The following GAREM1 variants were observed in gnomAD, a reference collection of about 807,000 sequenced individuals.
GAREM1 encodes the protein GRB2-associated and regulator of MAPK protein 1.
Under a neutral mutation model 71.3 loss-of-function variants are expected in GAREM1, and 26 were observed. The ratio of observed to expected loss-of-function variants is 0.36; its 90% CI spans 0.27 to 0.51. The LOEUF is 0.51. GAREM1 is among the 20% of genes least tolerant of loss of function. GAREM1 has a pLI of 0.95. For missense variants in GAREM1, 1,026 were observed against 1,103.1 expected, an observed-to-expected ratio of 0.93 and a Z score of 0.99; for synonymous variants, 440 against 433.2, an observed-to-expected ratio of 1.02 and a Z score of -0.20.
chr18:32,348,154 G>A (rs1481216640), intron 2 of GAREM1, among the ~76,000 whole-genome samples: 1 of 152,102 alleles, frequency 6.6e-6, no homozygotes, highest in Non-Finnish European at 1.5e-5. Flanking sequence ...AATGCTAGGA[G>A]GATTAAACAT....
chr18:32,268,139 T>A lies in GAREM1; in HGVS notation c.2363A>T (p.His788Leu), dbSNP rs529958611. Residue 788 changes from histidine to leucine, a missense_variant, in exon 6 of 6, where the codon CAT (histidine) becomes CTT (leucine). His to Leu is a moderately conservative substitution (Grantham distance 99). Around this residue, in one of 3 missense-constraint regions of GAREM1, gnomAD observed 636 missense variants for 631.2 expected, o/e 1.01. Transcript: ENST00000269209. Reference sequence around the variant, plus strand: ...ACAGGATCTGGGGGCCAGCTGGAGATGGAGCGGAGATGAGAAAGGGTAGGA... The same window carrying A: ...ACAGGATCTGGGGGCCAGCTGGAGAAGGAGCGGAGATGAGAAAGGGTAGGA... The part of the protein sequence containing the change: ...SASYPFSSPL[H>L]LQLAPRSCGD... 1.0e-4 allele frequency: 165 copies of A among 1,614,016 alleles called. 3 individuals carry two copies. In the South Asian group the frequency reaches 1.5e-3, roughly 15 times the overall value.
At chr18:32,296,143 A>G (rs1379438014) in intron 3 of GAREM1, among the ~76,000 whole-genome samples, 1 of 151,886 alleles carries the variant, frequency 6.6e-6, no homozygotes, top group African/African-American at 2.4e-5. Context: ...TTGTATTTTT[A>G]GTAGAGAAGG....
At chr18:32,290,534 A>G (rs971747364) in intron 3 of GAREM1, among the ~76,000 whole-genome samples, 5 of 151,918 alleles carry the variant, frequency 3.3e-5, no homozygotes, top group African/African-American at 1.2e-4. Flanking sequence ...AGTCCCAGGT[A>G]CTTTGGAGGC....
At chr18:32,452,900 CA>C (rs1278650291) in intron 1 of GAREM1, among the ~76,000 whole-genome samples, 1 of 150,632 alleles carries the variant, frequency 6.6e-6, no homozygotes, top group Non-Finnish European at 1.5e-5. Context: ...TATAGGGTAG[CA>C]AAACTTATAT....
chr18:32,390,587 T>C (rs1028302374), intron 2 of GAREM1, among the ~76,000 whole-genome samples: 3 of 152,220 alleles, frequency 2.0e-5, no homozygotes, highest in Non-Finnish European at 4.4e-5. Flanking sequence ...TTTTTAAAAA[T>C]GTATCATTTG....
chr18:32,382,236 A>G (rs933024820), intron 2 of GAREM1, among the ~76,000 whole-genome samples: 2 of 152,182 alleles, frequency 1.3e-5, no homozygotes, highest in Non-Finnish European at 2.9e-5. Context: ...CAGCAAGACA[A>G]ACAGTCATGG....
chr18:32,421,976 C>A (rs758648913), intron 1 of GAREM1, among the ~76,000 whole-genome samples: 1 of 152,036 alleles, frequency 6.6e-6, no homozygotes, highest in Non-Finnish European at 1.5e-5. Flanking sequence ...CTAAAATTAT[C>A]CTTTCTCCTA....
chr18:32,372,957 C>G (rs2047998339), intron 2 of GAREM1, among the ~76,000 whole-genome samples: 1 of 152,146 alleles, frequency 6.6e-6, no homozygotes, highest in African/African-American at 2.4e-5. Flanking sequence ...TCCCGCCTCA[C>G]CCACATTCCT....
At chr18:32,428,940 T>C (rs1026203796) in intron 1 of GAREM1, among the ~76,000 whole-genome samples, 1 of 152,066 alleles carries the variant, frequency 6.6e-6, no homozygotes, top group Non-Finnish European at 1.5e-5. Context: ...CAAGTTTTTT[T>C]TTTTGTATCA....
intron 1 of GAREM1, among the ~76,000 whole-genome samples, chr18:32,454,588 T>C (rs372833950): frequency 5.7e-4 from 86 of 152,196 alleles, no homozygotes; most frequent in African/African-American, 2.0e-3. Context: ...GGCTAATATA[T>C]GCAAATATAA....
intron 3 of GAREM1, among the ~76,000 whole-genome samples, chr18:32,289,747 C>T (rs921022735): frequency 1.3e-5 from 2 of 152,120 alleles, no homozygotes; most frequent in East Asian, 1.9e-4. Context: ...CTGCTGTTTG[C>T]ATCTAGTGGG....
At chr18:32,323,074 T>C (rs549884366) in intron 2 of GAREM1, among the ~76,000 whole-genome samples, 1 of 152,352 alleles carries the variant, frequency 6.6e-6, no homozygotes, top group South Asian at 2.1e-4. Context: ...GTAGAAATGA[T>C]GACCTCATAG....
chr18:32,356,462 C>T (rs1598985393), intron 2 of GAREM1, among the ~76,000 whole-genome samples: 2 of 152,236 alleles, frequency 1.3e-5, no homozygotes, highest in East Asian at 1.9e-4. Flanking sequence ...TGATATATCC[C>T]TCTCCTATTT....
Position 32,287,196 on chromosome 18 carries a change from A to T in GAREM1, c.1401T>A (p.Pro467=), listed in dbSNP as rs752320917. ...WLEEGKPSHQ[P]LTRSLSEKNR... ...TCTTCTCGCTCAGAGAGCGAGTGAGAGGCTGATGGCTGGGCTTGCCTTCCT... is the reference window on the plus strand; with the variant it reads ...TCTTCTCGCTCAGAGAGCGAGTGAGTGGCTGATGGCTGGGCTTGCCTTCCT... The change falls in exon 4 of 6, where the codon CCT becomes CCA. Residue 467 remains proline, a synonymous_variant. Transcript: ENST00000269209. This position sits in a 1 kb window ranked among gnomAD's most constrained non-coding sequence, Gnocchi z 5.9. 2.5e-6 allele frequency: 4 copies of T among 1,614,250 alleles called. No individual in the cohort carries two copies. The highest frequency in any genetic ancestry group is 3.4e-6 in the Non-Finnish European group (4 of 1,180,044).
At chr18:32,381,507 C>T (rs2144642167) in intron 2 of GAREM1, among the ~76,000 whole-genome samples, 1 of 152,310 alleles carries the variant, frequency 6.6e-6, no homozygotes, top group South Asian at 2.1e-4. Flanking sequence ...TTTCCTCATT[C>T]CTCTTACCTA....
At chr18:32,274,325 T>C (rs2041508517) in intron 4 of GAREM1, among the ~76,000 whole-genome samples, 2 of 152,234 alleles carry the variant, frequency 1.3e-5, no homozygotes, top group South Asian at 2.1e-4. Flanking sequence ...GATATTTATA[T>C]CCAGGAGGAA....
chr18:32,278,382 C>T (rs1027535184), intron 4 of GAREM1, among the ~76,000 whole-genome samples: 42 of 152,098 alleles, frequency 2.8e-4, no homozygotes, highest in African/African-American at 1.0e-3. Flanking sequence ...GAATTGTGGA[C>T]AATCAATAAG....
intron 1 of GAREM1, among the ~76,000 whole-genome samples, chr18:32,456,071 A>G (rs1446561215): frequency 2.6e-5 from 4 of 152,186 alleles, no homozygotes; most frequent in African/African-American, 7.2e-5. Context: ...TACATGTACA[A>G]TCTAGGTGTC....
At chr18:32,359,708 G>C (rs1233085419) in intron 2 of GAREM1, among the ~76,000 whole-genome samples, 1 of 152,146 alleles carries the variant, frequency 6.6e-6, no homozygotes, top group Non-Finnish European at 1.5e-5. Flanking sequence ...GCTGAGGCGA[G>C]AGGAACAACT....
Sources: gnomAD v4.1 joint callset for allele counts (sites outside exome capture counted in the v4.1 genomes callset) on GRCh38, gnomAD v4.1.1 for gene constraint, gnomAD v4.1.1 regional missense constraint, Gnocchi (gnomAD v3.1) non-coding constraint, MANE v1.5 for transcripts, NCBI Gene and HGNC (gene_info 2026-07-23, HGNC 2026-07-21) for gene names.